NDUFB2: variants seen among roughly 807,000 people sequenced by gnomAD.
NDUFB2 encodes NADH:ubiquinone oxidoreductase subunit B2, also known as NADH dehydrogenase [ubiquinone] 1 beta subcomplex subunit 2, mitochondrial.
A neutral mutation model predicts 13.4 loss-of-function variants in NDUFB2; 13 were observed. The observed-to-expected ratio is 0.97, with a 90% CI of 0.63 to 1.54. The LOEUF is 1.54. Ranked by LOEUF, NDUFB2 falls within the 40% of genes most tolerant of loss-of-function variation. NDUFB2 has a pLI of 0.00. For synonymous variants in NDUFB2, 47 were observed against 50.6 expected, an observed-to-expected ratio of 0.93 and a Z score of 0.30; for missense variants, 150 against 139.7, an observed-to-expected ratio of 1.07 and a Z score of -0.37.
At chr7:140,698,205 A>G (rs765506221) in intron 1 of NDUFB2, 7 of 1,351,950 alleles carry the variant, frequency 5.2e-6, no homozygotes, top group East Asian at 4.5e-5. Context: ...ACAGTGATGG[A>G]GAGCCATGAG....
intron 1 of NDUFB2, chr7:140,697,234 G>T (rs1794823886): frequency 1.5e-6 from 1 of 684,682 alleles, no homozygotes; most frequent in South Asian, 1.6e-5. Flanking sequence ...GAGGCCTAGG[G>T]AGGGCGCGGT....
chr7:140,696,920 C>T lies in NDUFB2; in HGVS notation c.98+78C>T, dbSNP rs977042163. On this transcript the variant is annotated intron_variant, in intron 1 of 3. Coordinates refer to ENST00000247866, the MANE Select transcript of NDUFB2 (RefSeq NM_004546.3). ...GGTCCCTGGGACGCTCTCACCTTGA[C>T]TGGGGCGCCTGAAGAGGCCGCGTCC... The T allele has an allele frequency of 2.9e-6, 4 of 1,356,488 alleles. No homozygotes were observed. In the East Asian group the frequency reaches 1.0e-4, roughly 34 times the overall value. 84.0% of individuals were successfully genotyped at this position (1,356,488 alleles called of 1,614,324 possible).
At chr7:140,704,156 T>C (rs1794935241) in intron 2 of NDUFB2, among the ~76,000 whole-genome samples, 1 of 152,222 alleles carries the variant, frequency 6.6e-6, no homozygotes, top group Admixed American at 6.5e-5. Context: ...TTGAAATCTG[T>C]GCTTGTTTAT....
chr7:140,701,770 T>TAAA (rs111296452), intron 1 of NDUFB2: 40 of 259,780 alleles, frequency 1.5e-4, no homozygotes, highest in African/African-American at 6.2e-4. Flanking sequence ...CCGTCTCTAC[T>TAAA]AAAAAAAAAA....
At chr7:140,697,254 C>A (rs948971524) in intron 1 of NDUFB2, 1 of 697,006 alleles carries the variant, frequency 1.4e-6, no homozygotes, top group Non-Finnish European at 2.6e-6. Context: ...TCCAGGGTCC[C>A]GGTGCCTGGC....
At chr7:140,703,204 G>A (rs28454952) in intron 2 of NDUFB2, among the ~76,000 whole-genome samples, 194 bp downstream of exon 2, 1,681 of 151,616 alleles carry the variant, frequency 0.011, 35 homozygotes, top group African/African-American at 0.038. Flanking sequence ...TTTACACGAG[G>A]ATGTATATTT....
chr7:140,704,868 T>G lies in NDUFB2; in HGVS notation c.252T>G (p.Phe84Leu). 1 of 1,591,494 alleles carries G rather than the reference T, an allele frequency of 6.3e-7. No individual in the cohort carries two copies. Among genetic ancestry groups the G allele is most frequent in the South Asian group, 1.2e-5 (1 of 86,628 alleles). Residue 84 changes from phenylalanine to leucine, a missense_variant, in exon 3 of 4, where the codon TTT becomes TTG. By Grantham distance (22) the Phe-to-Leu change is conservative. Coordinates refer to ENST00000247866, the MANE Select transcript of NDUFB2 (RefSeq NM_004546.3). ...WHDSEEVLGH[F>L]PYPDPSQWTD... ...TAAATGGTTGTCACCAGGGTCACTT[T>G]CCGTATCCTGATCCTTCCCAGTGGA...
At chr7:140,706,060 T>TTTATA (rs1554492473) in intron 3 of NDUFB2, 1 of 125,038 alleles carries the variant, frequency 8.0e-6, no homozygotes, top group Non-Finnish European at 1.6e-5. Flanking sequence ...TATGTTATGT[T>TTTATA]TTATGTTATG....
At chr7:140,701,166 T>C (rs1206101267) in intron 1 of NDUFB2, 1 of 152,212 alleles carries the variant, frequency 6.6e-6, no homozygotes, top group East Asian at 1.9e-4. Context: ...CTGGTTGGAA[T>C]TCTAGTTAAA....
In NDUFB2 at chr7:140,703,460, A is replaced by G. The variant is rs150202298; in HGVS notation, c.243+450A>G. On this transcript the variant is annotated intron_variant, in intron 2 of 3. Coordinates refer to ENST00000247866, the MANE Select transcript of NDUFB2 (RefSeq NM_004546.3). ...GGCTAATTTTTTTTGTTGTTAGTAG[A>G]GACGGGGTTTCACCATGTTGGTCAG... 3.4e-3 allele frequency among the ~76,000 whole-genome samples: 520 copies of G among 151,862 alleles called. 5 individuals are homozygous for G. The highest frequency in any genetic ancestry group is 0.012 in the African/African-American group (501 of 41,448).
intron 2 of NDUFB2, 95 bp from the exon 3 acceptor site, chr7:140,704,765 T>G (rs1449012636): frequency 5.3e-5 from 46 of 862,570 alleles, no homozygotes; most frequent in Non-Finnish European, 6.7e-5. Flanking sequence ...CCATATTGTT[T>G]TTTTTTTTTT....
chr7:140,703,482 T>C (rs1007107806), intron 2 of NDUFB2, among the ~76,000 whole-genome samples: 5 of 150,496 alleles, frequency 3.3e-5, no homozygotes, highest in Non-Finnish European at 4.4e-5. Context: ...ACCATGTTGG[T>C]CAGGCTGCTC....
intron 1 of NDUFB2, chr7:140,698,272 C>A (rs1242005138): frequency 7.4e-7 from 1 of 1,351,040 alleles, no homozygotes; most frequent in Non-Finnish European, 9.8e-7. Context: ...CCCTGAGGTG[C>A]TGGCTTGTTC....
rs949361429 is a variant in NDUFB2 at position 140,698,319 on chromosome 7, G to A, written c.98+1477G>A. The A allele has an allele frequency of 3.6e-5, 49 of 1,349,926 alleles. 1 individual carries two copies. In the South Asian group the frequency reaches 5.2e-4, roughly 14 times the overall value. The allele number at this position is 1,349,926 out of a possible 1,614,324, so 83.6% of individuals were successfully genotyped here. The stretch of plus-strand genomic sequence containing the variant: ...TTGTTTCAGAGTGTGTGATAATTAA[G>A]TGCATAAATGTTTATGGAGCATCTT... On this transcript the variant is annotated intron_variant, in intron 1 of 3. Transcript: ENST00000247866.
At chr7:140,699,043 A>T (rs1794860367) in intron 1 of NDUFB2, among the ~76,000 whole-genome samples, 1 of 152,088 alleles carries the variant, frequency 6.6e-6, no homozygotes, top group Non-Finnish European at 1.5e-5. Flanking sequence ...CTGTAATCCC[A>T]GCTACTGGGG....
In NDUFB2 at chr7:140,696,764, T is replaced by C. The variant is rs1221710242; in HGVS notation, c.20T>C (p.Leu7Pro). 7 of 1,602,746 alleles carry C rather than the reference T, an allele frequency of 4.4e-6. No individual in the cohort carries two copies. Among genetic ancestry groups the C allele is most frequent in the Non-Finnish European group, 6.0e-6 (7 of 1,175,570 alleles). Residue 7 changes from leucine (L) to proline (P), a missense_variant, in exon 1 of 4, where the codon CTG (leucine) becomes CCG (proline). Physicochemically the swap from Leu to Pro is moderately conservative, Grantham distance 98 (BLOSUM62 -3). Coordinates refer to ENST00000247866, the MANE Select transcript of NDUFB2 (RefSeq NM_004546.3). MSALTR[L>P]ASFARVGGRL... Reference sequence around the variant, plus strand: ...GCGAGTATGTCCGCTCTGACTCGGCTGGCGTCTTTCGCTCGCGTTGGAGGC... The same window carrying C: ...GCGAGTATGTCCGCTCTGACTCGGCCGGCGTCTTTCGCTCGCGTTGGAGGC...
intron 1 of NDUFB2, chr7:140,698,025 G>A: frequency 7.7e-7 from 1 of 1,290,844 alleles, no homozygotes; most frequent in South Asian, 1.2e-5. Context: ...ACAATTGCTG[G>A]TGCCTGCTAA....
chr7:140,696,800 G>A lies in NDUFB2; in HGVS notation c.56G>A (p.Arg19Lys). Residue 19 changes from arginine to lysine, a missense_variant, in exon 1 of 4, where the codon AGA (arginine) becomes AAA (lysine). Transcript: ENST00000247866. ...GCTCGCGTTGGAGGCCGCCTTTTCA[G>A]AAGCGGCTGCGCACGGACTGCTGGA... The part of the protein sequence containing the change: ...SFARVGGRLF[R>K]SGCARTAGDG... 6.2e-7 allele frequency: 1 copy of A among 1,609,404 alleles called. No homozygotes were observed. The highest frequency in any genetic ancestry group is 8.5e-7 in the Non-Finnish European group (1 of 1,178,176).
In NDUFB2 at chr7:140,702,999, G is replaced by T; in HGVS notation, c.232G>T (p.Glu78Ter). Residue 78 changes from glutamate to a stop codon, truncating the protein, a stop_gained, in exon 2 of 4, where the codon GAA (glutamate) becomes TAA (stop). Coordinates refer to ENST00000247866, the MANE Select transcript of NDUFB2 (RefSeq NM_004546.3). LOFTEE classifies it high-confidence loss of function. ...TCTCTGGCGCTTTTGGCATGACTCAGAAGAGGTGCTGGTAAGTGCAGGAGA... is the reference window on the plus strand; with the variant it reads ...TCTCTGGCGCTTTTGGCATGACTCATAAGAGGTGCTGGTAAGTGCAGGAGA... Reference protein sequence around the residue: ...WILWRFWHDSEEVLGHFPYPD... With the variant: ...WILWRFWHDS The T allele has an allele frequency of 1.2e-6, 2 of 1,614,058 alleles. No individual in the cohort carries two copies. The highest frequency in any genetic ancestry group is 1.7e-6 in the Non-Finnish European group (2 of 1,180,014).
Sources: gnomAD v4.1 joint callset for allele counts (sites outside exome capture counted in the v4.1 genomes callset) on GRCh38, gnomAD v4.1.1 for gene constraint, MANE v1.5 for transcripts, NCBI Gene and HGNC (gene_info 2026-07-23, HGNC 2026-07-21) for gene names.